The following MYRIP variants were observed in gnomAD, a reference collection of about 807,000 sequenced individuals.
MYRIP encodes rab effector MyRIP.
In MYRIP, 49 loss-of-function variants were observed where a neutral mutation model predicts 98.0. The observed-to-expected ratio is 0.50, with a 90% CI of 0.40 to 0.63. The LOEUF is 0.63. Among genes scored for constraint, MYRIP ranks in the 30% least tolerant of loss-of-function variants. MYRIP has a pLI of 0.00. For synonymous variants in MYRIP, 404 were observed against 409.5 expected (o/e 0.99, Z 0.16); for missense variants, 1,004 against 1,058.2 (o/e 0.95, Z 0.71).
intron 11 of MYRIP, among the ~76,000 whole-genome samples, chr3:40,222,141 T>G (rs1421495073): frequency 6.6e-6 from 1 of 152,234 alleles, no homozygotes; most frequent in African/African-American, 2.4e-5. Context: ...TACTGCTCCT[T>G]GCACAGCAAG....
Position 40,099,941 on chromosome 3 carries a change from T to G in MYRIP, c.333-51107T>G, listed in dbSNP as rs145715960. On this transcript the variant is annotated intron_variant, in intron 3 of 16. Coordinates refer to ENST00000302541, the MANE Select transcript of MYRIP (RefSeq NM_015460.4). ...TCTCTCCCTGTTGCACATGTGTTGATGGATTTTTCTCGGCATTGGTTGTCT... is the reference window on the plus strand; with the variant it reads ...TCTCTCCCTGTTGCACATGTGTTGAGGGATTTTTCTCGGCATTGGTTGTCT... The G allele has an allele frequency of 9.4e-6, 9 of 952,550 alleles. 1 individual carries two copies. Among genetic ancestry groups the G allele is most frequent in the East Asian group, 2.3e-4 (2 of 8,642 alleles). 59.0% of individuals were successfully genotyped at this position (952,550 alleles called of 1,614,324 possible).
intron 3 of MYRIP, among the ~76,000 whole-genome samples, chr3:40,047,797 G>A (rs1029784878): frequency 2.6e-5 from 4 of 152,078 alleles, no homozygotes; most frequent in Admixed American, 1.3e-4. Flanking sequence ...GCCTGTGAGC[G>A]GACAGTCTTT....
chr3:40,096,518 C>T (rs1451405020), intron 3 of MYRIP, among the ~76,000 whole-genome samples: 3 of 152,166 alleles, frequency 2.0e-5, no homozygotes, highest in Admixed American at 6.5e-5. Flanking sequence ...TTTGACTCCC[C>T]GCAACCACAG....
chr3:39,909,090 G>T (rs1270668597), intron 2 of MYRIP, among the ~76,000 whole-genome samples: 1 of 152,158 alleles, frequency 6.6e-6, no homozygotes, highest in African/African-American at 2.4e-5. Flanking sequence ...TGCATTTAAT[G>T]GTGCAGTGGG....
chr3:39,959,546 A>G (rs1378106278), intron 2 of MYRIP, among the ~76,000 whole-genome samples: 1 of 152,048 alleles, frequency 6.6e-6, no homozygotes, highest in Non-Finnish European at 1.5e-5. Flanking sequence ...GCAGGGAGGG[A>G]TGGCATTAGG....
At chr3:39,973,147 C>T (rs1474631030) in intron 2 of MYRIP, among the ~76,000 whole-genome samples, 1 of 151,974 alleles carries the variant, frequency 6.6e-6, no homozygotes, top group Non-Finnish European at 1.5e-5. Flanking sequence ...GTGCTGTATT[C>T]AGGAAACCTA....
intron 2 of MYRIP, among the ~76,000 whole-genome samples, chr3:39,973,396 A>G (rs934251257): frequency 1.3e-5 from 2 of 152,180 alleles, no homozygotes; most frequent in Non-Finnish European, 2.9e-5. Context: ...ACCCAGATTC[A>G]TAAAGCAAGT....
intron 1 of MYRIP, among the ~76,000 whole-genome samples, chr3:39,844,908 A>G (rs1374371265): frequency 6.6e-6 from 1 of 152,188 alleles, no homozygotes; most frequent in Non-Finnish European, 1.5e-5. Context: ...GGGACAGAGC[A>G]GCTTACTCTG....
chr3:40,112,060 G>A (rs1949168836), intron 3 of MYRIP, among the ~76,000 whole-genome samples: 1 of 152,152 alleles, frequency 6.6e-6, no homozygotes, highest in African/African-American at 2.4e-5. Flanking sequence ...AGACCAGAGA[G>A]GTGAGGGTTT....
chr3:40,042,337 G>T (rs918953020), intron 2 of MYRIP, among the ~76,000 whole-genome samples: 1 of 149,534 alleles, frequency 6.7e-6, no homozygotes, highest in Non-Finnish European at 1.5e-5. Flanking sequence ...CCACTACAGG[G>T]GCTAATTGAC....
intron 2 of MYRIP, among the ~76,000 whole-genome samples, chr3:39,979,100 A>G (rs1385145980): frequency 2.0e-5 from 3 of 152,124 alleles, no homozygotes; most frequent in African/African-American, 4.8e-5. Context: ...AAAGTTTTTC[A>G]TACAGTAGAG....
At chr3:39,927,764 C>T (rs1208128054) in intron 2 of MYRIP, among the ~76,000 whole-genome samples, 2 of 151,976 alleles carry the variant, frequency 1.3e-5, no homozygotes, top group Non-Finnish European at 2.9e-5. Context: ...GCCAGTCTCC[C>T]TGATGCACAT....
chr3:40,058,858 T>C (rs28401712), intron 3 of MYRIP, among the ~76,000 whole-genome samples: 43,963 of 151,724 alleles, frequency 0.29, 6,465 homozygotes, highest in East Asian at 0.35. Flanking sequence ...TAGGTATATA[T>C]GTGCCATGGT....
intron 9 of MYRIP, among the ~76,000 whole-genome samples, chr3:40,186,475 A>G (rs1951037076): frequency 6.6e-6 from 1 of 152,150 alleles, no homozygotes; most frequent in African/African-American, 2.4e-5. Context: ...GGGTGGCTGG[A>G]GCTTGACCCC....
At chr3:39,972,605 T>C (rs1213800733) in intron 2 of MYRIP, among the ~76,000 whole-genome samples, 4 of 152,082 alleles carry the variant, frequency 2.6e-5, no homozygotes, top group Non-Finnish European at 4.4e-5. Flanking sequence ...CGACATTTTG[T>C]ATTTGAATAT....
intron 5 of MYRIP, among the ~76,000 whole-genome samples, chr3:40,163,691 C>T (rs1950443770): frequency 6.6e-6 from 1 of 152,142 alleles, no homozygotes; most frequent in African/African-American, 2.4e-5. Flanking sequence ...TCCCCTATTC[C>T]ACAGCCCTTC....
intron 8 of MYRIP, among the ~76,000 whole-genome samples, chr3:40,181,126 A>G (rs1340606702): frequency 1.3e-5 from 2 of 151,302 alleles, no homozygotes; most frequent in Non-Finnish European, 1.5e-5. Context: ...TTAAGCTACC[A>G]TTATCATACA....
At chr3:39,838,183 A>G (rs913207142) in intron 1 of MYRIP, among the ~76,000 whole-genome samples, 2 of 142,272 alleles carry the variant, frequency 1.4e-5, no homozygotes, top group Non-Finnish European at 1.6e-5. Context: ...CTTTCTTCCT[A>G]TTTGAATACC....
chr3:40,220,821 G>A (rs577298022), intron 11 of MYRIP, among the ~76,000 whole-genome samples: 13 of 151,988 alleles, frequency 8.6e-5, no homozygotes, highest in Non-Finnish European at 1.9e-4. Flanking sequence ...GAGGGAGGAG[G>A]TGCCACACAC....
Sources: allele counts gnomAD v4.1 joint callset (sites outside exome capture counted in the v4.1 genomes callset), GRCh38; gene constraint gnomAD v4.1.1; transcripts MANE v1.5; gene names NCBI Gene and HGNC (gene_info 2026-07-23, HGNC 2026-07-21).